Variants in ATP13A3 observed in about 807,000 individuals in gnomAD.
ATP13A3 encodes ATPase 13A3, also known as polyamine-transporting ATPase 13A3.
ATP13A3 carries 59 observed loss-of-function variants against 158.1 expected under a neutral mutation model. That is an observed-to-expected ratio of 0.37 (90% CI 0.30 to 0.46). The LOEUF (loss-of-function observed/expected upper bound fraction) is 0.46. Ranked by LOEUF, ATP13A3 falls within the 20% of genes least tolerant of loss-of-function variation. ATP13A3 has a pLI of 1.00. For synonymous variants in ATP13A3, 491 were observed against 504.3 expected (o/e 0.97, Z 0.35); for missense variants, 1,166 against 1,525.2 (o/e 0.76, Z 3.92).
At position 194,431,007 on chromosome 3, in the gene ATP13A3, T is replaced by A. The variant is rs753942332; in HGVS notation, c.2560A>T (p.Thr854Ser). Residue 854 changes from threonine to serine, a missense_variant, in exon 24 of 34, where the codon ACC becomes TCC. Transcript: ENST00000645319. ...DLVPKLMLHG[T>S]VFARMAPDQK... is the part of the protein sequence containing the mutation. The stretch of plus-strand genomic sequence containing the variant: ...TCAGGTGCCATACGGGCAAACACGG[T>A]GCCATGCAACATCAACTGGAAACAA... 2.1e-5 allele frequency: 34 copies of A among 1,613,544 alleles called. No individual in the cohort carries two copies. The highest frequency in any genetic ancestry group is 1.0e-5 in the Non-Finnish European group (12 of 1,179,692).
chr3:194,404,727 T>C lies in ATP13A3; in HGVS notation c.*1192A>G, dbSNP rs1453524145. The C allele has an allele frequency of 6.6e-6, 1 of 152,246 alleles. No individual in the cohort carries two copies. Among genetic ancestry groups the C allele is most frequent in the Admixed American group, 6.5e-5 (1 of 15,286 alleles). 9.4% of individuals were successfully genotyped at this position (152,246 alleles called of 1,614,324 possible). ...TCTCTTTTGGCTCAATGAATGTCAA[T>C]TTTTTAACTTTATTTCCTCAATTTT... On this transcript the variant is annotated 3_prime_UTR_variant, in exon 34 of 34. Coordinates refer to ENST00000645319, the MANE Select transcript of ATP13A3 (RefSeq NM_001367549.1).
At chr3:194,433,711 A>G in intron 21 of ATP13A3, 61 bp downstream of exon 21, 2 of 1,588,818 alleles carry the variant, frequency 1.3e-6, no homozygotes, top group Non-Finnish European at 1.7e-6. Context: ...ATCCCTCAAT[A>G]TAATATAACT....
intron 2 of ATP13A3, among the ~76,000 whole-genome samples, chr3:194,473,156 T>C (rs1720382746): frequency 6.6e-6 from 1 of 152,170 alleles, no homozygotes; most frequent in African/African-American, 2.4e-5. Context: ...AAGTTGAAAT[T>C]TCAATGAGAA....
At chr3:194,420,889 T>G (rs923494811) in intron 30 of ATP13A3, among the ~76,000 whole-genome samples, 3 of 151,458 alleles carry the variant, frequency 2.0e-5, no homozygotes, top group Non-Finnish European at 4.4e-5. Context: ...ACTCAAACTT[T>G]ACTAAGACCA....
intron 2 of ATP13A3, among the ~76,000 whole-genome samples, chr3:194,470,672 A>G (rs1720260581): frequency 6.6e-6 from 1 of 152,196 alleles, no homozygotes; most frequent in South Asian, 2.1e-4. Flanking sequence ...GAGATTTTCT[A>G]TTTCAATTAT....
At chr3:194,436,677 A>AC (rs1717657707) in intron 20 of ATP13A3, among the ~76,000 whole-genome samples, 2 of 152,094 alleles carry the variant, frequency 1.3e-5, no homozygotes, top group South Asian at 4.1e-4. Flanking sequence ...CATGGCAAAA[A>AC]CCCCTACTAA....
In ATP13A3 at chr3:194,431,034, A is replaced by G. The variant is rs1460039133; in HGVS notation, c.2545-12T>C. ...CCATGCAACATCAACTGGAAACAAT[A>G]ATACAAATTTTTTTAAAATACTGTT... On this transcript the variant is annotated splice_polypyrimidine_tract_variant and intron_variant, in intron 23 of 33. Coordinates refer to ENST00000645319, the MANE Select transcript of ATP13A3 (RefSeq NM_001367549.1). 3.7e-6 allele frequency: 6 copies of G among 1,613,636 alleles called. No homozygotes were observed. Among genetic ancestry groups the G allele is most frequent in the South Asian group, 3.3e-5 (3 of 91,020 alleles).
rs979505518 is a variant in ATP13A3, at chr3:194,439,333, C to T, written c.1711-361G>A. Among the ~76,000 whole-genome samples, 5 of 152,184 alleles carry T rather than the reference C, an allele frequency of 3.3e-5. No individual in the cohort carries two copies. In the East Asian group the frequency reaches 9.6e-4, roughly 29 times the overall value. ...TTGTAGTCCCCAGAATTTTCAGGCTCATCCAGTGATTCCTTTCTGCTACCA... is the reference window on the plus strand; with the variant it reads ...TTGTAGTCCCCAGAATTTTCAGGCTTATCCAGTGATTCCTTTCTGCTACCA... On this transcript the variant is annotated intron_variant, in intron 16 of 33. Coordinates refer to ENST00000645319, the MANE Select transcript of ATP13A3 (RefSeq NM_001367549.1).
At chr3:194,431,384 T>TTAAA (rs1228279402) in intron 22 of ATP13A3, among the ~76,000 whole-genome samples, 158 bp from the exon 23 acceptor site, 6 of 152,196 alleles carry the variant, frequency 3.9e-5, no homozygotes. Context: ...AGAAACTCAA[T>TTAAA]TAAATATCAG....
At chr3:194,444,147 G>A (rs1718235119) in intron 15 of ATP13A3, among the ~76,000 whole-genome samples, 2 of 152,060 alleles carry the variant, frequency 1.3e-5, no homozygotes, top group African/African-American at 4.8e-5. Flanking sequence ...CCATGCTACG[G>A]CCCAGCCTTT....
chr3:194,462,863 C>T lies in ATP13A3; in HGVS notation c.-46-627G>A, dbSNP rs554503369. 2.6e-5 allele frequency among the ~76,000 whole-genome samples: 4 copies of T among 152,276 alleles called. No individual in the cohort carries two copies. The East Asian group carries it at 7.7e-4, about 29-fold the overall frequency. ...CAAAACATGGCATATTTCATTAATT[C>T]ATTTAGACTAGCAACTACTGTGATA... On this transcript the variant is annotated intron_variant, in intron 2 of 33. Transcript: ENST00000645319.
At chr3:194,487,042 G>C (rs534872935), upstream of ATP13A3, 1 of 151,706 alleles carries the variant, frequency 6.6e-6, no homozygotes. Context: ...CTTCATCCCC[G>C]CGCGGAGGGC....
chr3:194,449,518 G>A (rs551241645), intron 11 of ATP13A3, among the ~76,000 whole-genome samples: 144 of 152,038 alleles, frequency 9.5e-4, no homozygotes, highest in Non-Finnish European at 1.6e-3. Flanking sequence ...TCTCTACTAA[G>A]AATGCAAAAA....
intron 33 of ATP13A3, among the ~76,000 whole-genome samples, chr3:194,410,314 A>C (rs897134299): frequency 1.4e-3 from 192 of 141,910 alleles, no homozygotes; most frequent in Non-Finnish European, 1.6e-3. Context: ...AAAAAAAAAA[A>C]AAAAAAAAAA....
At chr3:194,474,510 A>G (rs60854967) in intron 2 of ATP13A3, among the ~76,000 whole-genome samples, 7,752 of 152,318 alleles carry the variant, frequency 0.051, 519 homozygotes, top group African/African-American at 0.16. Flanking sequence ...AAGAGTTTCA[A>G]TAACAGCTTG....
chr3:194,467,142 G>T (rs1327538838), intron 2 of ATP13A3, among the ~76,000 whole-genome samples: 2 of 152,200 alleles, frequency 1.3e-5, no homozygotes, highest in African/African-American at 2.4e-5. Flanking sequence ...TGTATAAATA[G>T]ATGAATAAGC....
chr3:194,410,325 A>AAC (rs1715302041), intron 33 of ATP13A3, among the ~76,000 whole-genome samples: 8 of 146,648 alleles, frequency 5.5e-5, no homozygotes, highest in Non-Finnish European at 1.2e-4. Context: ...AAAAAAAAAA[A>AAC]AAAAAACTGC....
chr3:194,424,868 C>T (rs899024954), intron 30 of ATP13A3, among the ~76,000 whole-genome samples: 1 of 152,178 alleles, frequency 6.6e-6, no homozygotes, highest in African/African-American at 2.4e-5. Flanking sequence ...GCCACACCAG[C>T]GTCGGAAATG....
chr3:194,419,898 G>A lies in ATP13A3; in HGVS notation c.3383C>T (p.Ser1128Phe). The A allele has an allele frequency of 6.4e-7, 1 of 1,563,546 alleles. No homozygotes were observed. The highest frequency in any genetic ancestry group is 1.4e-5 in the African/African-American group (1 of 71,558). Residue 1128 changes from serine (S) to phenylalanine (F), a missense_variant, in exon 31 of 34, where the codon TCT (serine) becomes TTT (phenylalanine). By Grantham distance (155) the Ser-to-Phe change is radical. Around this residue, in one of 3 missense-constraint regions of ATP13A3, gnomAD observed 997 missense variants for 1,341.2 expected, o/e 0.74. Coordinates refer to ENST00000645319, the MANE Select transcript of ATP13A3 (RefSeq NM_001367549.1). ...TCTTACCTGAAGAACCTGGTCAACAGAGGCAACTGGATACAACATGATGAA... is the reference window on the plus strand; with the variant it reads ...TCTTACCTGAAGAACCTGGTCAACAAAGGCAACTGGATACAACATGATGAA... ...ILFIMLYPVASVDQVLQIVCV... is the reference protein window; with the variant it reads ...ILFIMLYPVAFVDQVLQIVCV...
Sources: gnomAD v4.1 joint callset for allele counts (sites outside exome capture counted in the v4.1 genomes callset) on GRCh38, gnomAD v4.1.1 for gene constraint, gnomAD v4.1.1 regional missense constraint, MANE v1.5 for transcripts, NCBI Gene and HGNC (gene_info 2026-07-23, HGNC 2026-07-21) for gene names.